SLC13A1: variants seen among roughly 807,000 people sequenced by gnomAD.
SLC13A1 encodes Na(+)/sulfate cotransporter.
Under a neutral mutation model 70.0 loss-of-function variants are expected in SLC13A1, and 65 were observed. The ratio of observed to expected loss-of-function variants is 0.93; its 90% CI spans 0.76 to 1.14. SLC13A1 has a LOEUF of 1.14. Ranked by LOEUF, SLC13A1 falls within the 50% of genes most tolerant of loss-of-function variation. SLC13A1 has a pLI of 0.00. For missense variants in SLC13A1, 726 were observed against 717.8 expected (o/e 1.01, Z -0.13); for synonymous variants, 275 against 250.5 (o/e 1.10, Z -0.92).
At chr7:123,186,573 A>G (rs977314647) in intron 1 of SLC13A1, 6 of 295,766 alleles carry the variant, frequency 2.0e-5, no homozygotes, top group Non-Finnish European at 4.1e-5. Flanking sequence ...CAAATTGTTT[A>G]CCACCATTAC....
At chr7:123,188,409 A>G (rs1795886499) in intron 1 of SLC13A1, among the ~76,000 whole-genome samples, 1 of 152,168 alleles carries the variant, frequency 6.6e-6, no homozygotes. Flanking sequence ...ATTAACACCA[A>G]CAATGTTCAG....
At chr7:123,174,103 G>T (rs528962581) in intron 2 of SLC13A1, among the ~76,000 whole-genome samples, 3 of 150,400 alleles carry the variant, frequency 2.0e-5, no homozygotes, top group South Asian at 2.1e-4. Flanking sequence ...AGTCTTTATA[G>T]TCTCCTTGTT....
intron 8 of SLC13A1, among the ~76,000 whole-genome samples, chr7:123,132,364 TTTTTC>T (rs886584424): frequency 4.6e-5 from 7 of 152,156 alleles, no homozygotes; most frequent in East Asian, 1.9e-4. Context: ...GATTTCAGCA[TTTTTC>T]TTTTCTTTTC....
At chr7:123,181,329 A>G (rs1487671442) in intron 1 of SLC13A1, among the ~76,000 whole-genome samples, 1 of 152,092 alleles carries the variant, frequency 6.6e-6, no homozygotes, top group African/African-American at 2.4e-5. Context: ...CATTCATTAC[A>G]TTTATTTCAC....
At chr7:123,150,810 GT>G (rs1794528746) in intron 6 of SLC13A1, among the ~76,000 whole-genome samples, 1 of 152,012 alleles carries the variant, frequency 6.6e-6, no homozygotes, top group African/African-American at 2.4e-5. Context: ...ATCTCTGCCT[GT>G]TTTTCTGTCT....
chr7:123,194,182 A>G (rs1300380618), intron 1 of SLC13A1, among the ~76,000 whole-genome samples: 1 of 152,136 alleles, frequency 6.6e-6, no homozygotes, highest in African/African-American at 2.4e-5. Flanking sequence ...AGGCCAATGT[A>G]TCCATGATGC....
intron 2 of SLC13A1, 83 bp downstream of exon 2, chr7:123,180,890 G>T: frequency 7.0e-7 from 1 of 1,428,808 alleles, no homozygotes; most frequent in Non-Finnish European, 9.5e-7. Flanking sequence ...CGAGATGATT[G>T]CTCCCTTTAA....
At chr7:123,181,433 C>G (rs1795637577) in intron 1 of SLC13A1, among the ~76,000 whole-genome samples, 1 of 152,122 alleles carries the variant, frequency 6.6e-6, no homozygotes, top group African/African-American at 2.4e-5. Flanking sequence ...ATAAAATGCA[C>G]TCCCCCATAC....
chr7:123,162,257 T>G (rs73217772), intron 6 of SLC13A1, among the ~76,000 whole-genome samples: 1 of 152,014 alleles, frequency 6.6e-6, no homozygotes, highest in African/African-American at 2.4e-5. Context: ...AATAAAGATA[T>G]ATGGGAGAAA....
intron 7 of SLC13A1, among the ~76,000 whole-genome samples, chr7:123,139,970 G>A (rs1794075953): frequency 6.6e-6 from 1 of 152,006 alleles, no homozygotes; most frequent in Non-Finnish European, 1.5e-5. Flanking sequence ...TGTTGAAAGT[G>A]GGCATCATTT....
At position 123,125,578 on chromosome 7, in the gene SLC13A1, C is replaced by T; in HGVS notation, c.1231G>A (p.Gly411Arg). The change falls in exon 11 of 15, where the codon GGA becomes AGA. Residue 411 changes from glycine to arginine, a missense_variant. Transcript: ENST00000194130. ...AKTLTKTTPT[G>R]EIVAFDYSPL... ...ATAAATGATACTCAACCAATTTCTC[C>T]TGTAGGTGTAGTTTTAGTCAGTGTC... 6.2e-7 allele frequency: 1 copy of T among 1,603,338 alleles called. No homozygotes were observed. Among genetic ancestry groups the T allele is most frequent in the Non-Finnish European group, 8.5e-7 (1 of 1,174,072 alleles).
chr7:123,128,754 T>TC (rs1490507601), intron 10 of SLC13A1, 91 bp downstream of exon 10: 2 of 771,250 alleles, frequency 2.6e-6, no homozygotes, highest in African/African-American at 1.8e-5. Flanking sequence ...GAAAAATATC[T>TC]CATCCAATCT....
intron 7 of SLC13A1, among the ~76,000 whole-genome samples, chr7:123,144,749 T>C (rs945561886): frequency 1.3e-5 from 2 of 152,152 alleles, no homozygotes; most frequent in African/African-American, 4.8e-5. Context: ...CACGTCAAGG[T>C]TGACTCTTAG....
At chr7:123,144,965 A>G (rs1225032257) in intron 7 of SLC13A1, among the ~76,000 whole-genome samples, 1 of 152,212 alleles carries the variant, frequency 6.6e-6, no homozygotes, top group Non-Finnish European at 1.5e-5. Flanking sequence ...CACACCAATT[A>G]TAGACCTTTT....
chr7:123,139,895 G>T (rs990697657), intron 7 of SLC13A1, among the ~76,000 whole-genome samples: 1 of 151,936 alleles, frequency 6.6e-6, no homozygotes, highest in African/African-American at 2.4e-5. Flanking sequence ...CAATTTGGGT[G>T]CCTTTTTAAC....
At chr7:123,139,959 G>C (rs1209297589) in intron 7 of SLC13A1, among the ~76,000 whole-genome samples, 1 of 152,018 alleles carries the variant, frequency 6.6e-6, no homozygotes. Flanking sequence ...TTGAATAACA[G>C]TGTTGAAAGT....
At chr7:123,123,803 G>T (rs887154196) in intron 11 of SLC13A1, among the ~76,000 whole-genome samples, 3 of 152,024 alleles carry the variant, frequency 2.0e-5, no homozygotes, top group Non-Finnish European at 4.4e-5. Context: ...GCTTATAAAA[G>T]GATTATCATA....
chr7:123,115,734 A>G (rs2116230715), intron 14 of SLC13A1, 79 bp from the exon 15 acceptor site: 3 of 1,442,706 alleles, frequency 2.1e-6, no homozygotes, highest in South Asian at 2.5e-5. Context: ...TAGGATGTAT[A>G]TGCCAAATTT....
intron 6 of SLC13A1, among the ~76,000 whole-genome samples, chr7:123,161,645 G>A (rs1471952379): frequency 3.9e-5 from 6 of 152,170 alleles, no homozygotes; most frequent in Admixed American, 3.3e-4. Flanking sequence ...GAAAGAGTCA[G>A]GGGCATGGTG....
Sources: allele counts gnomAD v4.1 joint callset (sites outside exome capture counted in the v4.1 genomes callset), GRCh38; gene constraint gnomAD v4.1.1; transcripts MANE v1.5; gene names NCBI Gene and HGNC (gene_info 2026-07-23, HGNC 2026-07-21).